RIPOR2: variants seen among roughly 807,000 people sequenced by gnomAD.
RIPOR2 encodes RHO family interacting cell polarization regulator 2, also known as rho family-interacting cell polarization regulator 2.
RIPOR2 carries 39 observed loss-of-function variants against 114.5 expected under a neutral mutation model. The observed-to-expected ratio is 0.34, with a 90% confidence interval of 0.26 to 0.44. RIPOR2 has a LOEUF of 0.44. Among genes scored for constraint, RIPOR2 ranks in the 20% least tolerant of loss-of-function variants. RIPOR2 has a pLI of 1.00. For missense variants in RIPOR2, 1,007 were observed against 1,255.1 expected (o/e 0.80, Z 2.99); for synonymous variants, 445 against 484.4 (o/e 0.92, Z 1.07).
intron 4 of RIPOR2, among the ~76,000 whole-genome samples, chr6:24,871,383 G>A (rs181286928): frequency 1.0e-3 from 155 of 152,230 alleles, no homozygotes; most frequent in Admixed American, 1.8e-3. Flanking sequence ...ACAGAGTTTC[G>A]CTCTTTTGCC....
At chr6:24,914,995 C>A (rs1288072738) in intron 1 of RIPOR2, among the ~76,000 whole-genome samples, 5 of 152,176 alleles carry the variant, frequency 3.3e-5, no homozygotes, top group Non-Finnish European at 7.3e-5. Context: ...AAATAAAAAA[C>A]CATAGTTCTG....
chr6:24,820,322 C>A (rs1759571153), intron 19 of RIPOR2, among the ~76,000 whole-genome samples: 2 of 152,194 alleles, frequency 1.3e-5, no homozygotes, highest in Non-Finnish European at 2.9e-5. Context: ...TGAGCCACTG[C>A]ACACGGCCCC....
chr6:24,878,934 T>C lies in RIPOR2; in HGVS notation c.62-3117A>G, dbSNP rs1349844876. On this transcript the variant is annotated intron_variant, in intron 1 of 21. Coordinates refer to ENST00000643898, the MANE Select transcript of RIPOR2 (RefSeq NM_001286445.3). ...CAGATTGTAAAATAATTTTCCTTCTTCCTCATTTTCTGTAACAGGTAAACA... is the reference window on the plus strand; with the variant it reads ...CAGATTGTAAAATAATTTTCCTTCTCCCTCATTTTCTGTAACAGGTAAACA... Among the ~76,000 whole-genome samples the C allele has an allele frequency of 2.8e-5, 4 of 141,466 alleles. 2 individuals carry two copies. Among genetic ancestry groups the C allele is most frequent in the Admixed American group, 1.4e-4 (2 of 14,150 alleles). 92.8% of individuals were successfully genotyped at this position (141,466 alleles called of 152,430 possible). A position where few individuals can be genotyped will look rare whatever the true frequency, so the allele number is the denominator to read the frequency against.
chr6:24,845,829 G>C (rs1762208308), intron 12 of RIPOR2, among the ~76,000 whole-genome samples: 2 of 152,118 alleles, frequency 1.3e-5, no homozygotes, highest in South Asian at 4.1e-4. Context: ...GGTGAAGTAG[G>C]GGGCAGGCAC....
chr6:24,939,442 C>A (rs988578589), upstream of RIPOR2, among the ~76,000 whole-genome samples: 6 of 152,074 alleles, frequency 3.9e-5, no homozygotes, highest in Non-Finnish European at 2.9e-5. Flanking sequence ...GGAAGAGGAC[C>A]ATGAGGCTTA....
chr6:24,835,791 G>A lies in RIPOR2; in HGVS notation c.2120C>T (p.Ala707Val), dbSNP rs1394336051. 2.6e-6 allele frequency: 4 copies of A among 1,551,564 alleles called. No individual in the cohort carries two copies. Among genetic ancestry groups the A allele is most frequent in the Admixed American group, 3.9e-5 (2 of 50,982 alleles). The change falls in exon 15 of 22, where the codon GCA becomes GTA. Residue 707 changes from alanine to valine, a missense_variant. By Grantham distance (64) the Ala-to-Val change is moderately conservative (BLOSUM62 0). Transcript: ENST00000643898. Reference sequence around the variant, plus strand: ...TGTGGTCAGTGGGAGAGGACTTCCTGCCACACTGGTCCCAACTCCTGTGTC... The same window carrying A: ...TGTGGTCAGTGGGAGAGGACTTCCTACCACACTGGTCCCAACTCCTGTGTC... ...TEDTGVGTSVAGSPLPLTTGN... is the reference protein window; with the variant it reads ...TEDTGVGTSVVGSPLPLTTGN...
chr6:24,951,072 A>T (rs1328714), intron 1 of RIPOR2, among the ~76,000 whole-genome samples: 68,880 of 152,046 alleles, frequency 0.45, 16,093 homozygotes, highest in East Asian at 0.76. Context: ...TGATTTCCAG[A>T]AGTTCTCTAG....
At chr6:24,910,880 C>CTCCG in intron 1 of RIPOR2, 1 of 985,408 alleles carries the variant, frequency 1.0e-6, no homozygotes, top group Non-Finnish European at 1.2e-6. Context: ...ATATAAAAGC[C>CTCCG]TCCGCACCAA....
intron 1 of RIPOR2, among the ~76,000 whole-genome samples, chr6:25,009,715 C>G (rs950507378): frequency 1.3e-5 from 2 of 152,214 alleles, no homozygotes; most frequent in Non-Finnish European, 2.9e-5. Context: ...GTCTATCTAA[C>G]TCATGAGATA....
chr6:24,829,763 G>A (rs1205901611), intron 17 of RIPOR2, among the ~76,000 whole-genome samples: 2 of 152,098 alleles, frequency 1.3e-5, no homozygotes, highest in African/African-American at 4.8e-5. Context: ...TCATATAAAT[G>A]TCCTTTCTTG....
chr6:24,809,498 A>G (rs945323747), intron 21 of RIPOR2, among the ~76,000 whole-genome samples: 1 of 152,240 alleles, frequency 6.6e-6, no homozygotes, highest in African/African-American at 2.4e-5. Context: ...CAGACAATAT[A>G]GTTCACTCTC....
At chr6:24,837,199 T>G (rs1485979464) in intron 14 of RIPOR2, among the ~76,000 whole-genome samples, 1 of 152,062 alleles carries the variant, frequency 6.6e-6, no homozygotes, top group East Asian at 1.9e-4. Flanking sequence ...CTCAACTCAC[T>G]GCAACCTCCA....
rs186869799 is a variant in RIPOR2 at position 24,811,474 on chromosome 6, T to G, written c.2953-1667A>C. Among the ~76,000 whole-genome samples the G allele has an allele frequency of 3.6e-3, 551 of 151,628 alleles. 3 individuals are homozygous for G. The highest frequency in any genetic ancestry group is 0.011 in the African/African-American group (436 of 41,220). On this transcript the variant is annotated intron_variant, in intron 20 of 21. Transcript: ENST00000643898. ...CTGGTCTCGATCTCCTGACCTCAAG[T>G]GATACGCCTGCCTCAGCCTTCCAAA... is the stretch of plus-strand genomic sequence containing the variant.
chr6:24,980,836 C>T (rs543386210), intron 1 of RIPOR2, among the ~76,000 whole-genome samples: 109 of 152,264 alleles, frequency 7.2e-4, no homozygotes, highest in Non-Finnish European at 1.3e-3. Context: ...GTGAGCTTAT[C>T]CAGGATGGGA....
rs897333349 is a variant in RIPOR2, at chr6:24,911,353, A to C, written c.61+24485T>G. Among the ~76,000 whole-genome samples, 86 of 150,508 alleles carry C rather than the reference A, an allele frequency of 5.7e-4. 1 individual carries two copies. Among genetic ancestry groups the C allele is most frequent in the African/African-American group, 1.6e-3 (67 of 41,304 alleles). On this transcript the variant is annotated intron_variant, in intron 1 of 21. Transcript: ENST00000643898. Reference sequence around the variant, plus strand: ...GCCGGGGAGCGAGCCCGGTGGATCCAGCGCGCTGGAGGGAGAGGGCAGAGG... The same window carrying C: ...GCCGGGGAGCGAGCCCGGTGGATCCCGCGCGCTGGAGGGAGAGGGCAGAGG...
chr6:24,835,909 T>G, intron 14 of RIPOR2, 38 bp from the exon 15 acceptor site: 1 of 1,547,650 alleles, frequency 6.5e-7, no homozygotes, highest in Non-Finnish European at 8.7e-7. Context: ...ATTCTTTTTC[T>G]GTGCACAAAC....
At chr6:25,031,780 A>G (rs1476024743) in intron 1 of RIPOR2, among the ~76,000 whole-genome samples, 1 of 130,780 alleles carries the variant, frequency 7.6e-6, no homozygotes, top group Non-Finnish European at 1.6e-5. Context: ...TATATATTCT[A>G]TGGATATCCA....
chr6:24,847,730 G>A, intron 12 of RIPOR2: 1 of 1,529,666 alleles, frequency 6.5e-7, no homozygotes, highest in Non-Finnish European at 8.8e-7. Flanking sequence ...TTAGTGGGAA[G>A]AATCAGGTTA....
chr6:24,843,854 T>G (rs1761998306), intron 12 of RIPOR2, among the ~76,000 whole-genome samples: 1 of 151,738 alleles, frequency 6.6e-6, no homozygotes, highest in Non-Finnish European at 1.5e-5. Flanking sequence ...AAAGGTTGCA[T>G]GGGGGGAGGG....
Sources: allele counts gnomAD v4.1 joint callset (sites outside exome capture counted in the v4.1 genomes callset), GRCh38; gene constraint gnomAD v4.1.1; transcripts MANE v1.5; gene names NCBI Gene and HGNC (gene_info 2026-07-23, HGNC 2026-07-21).